The following GALNT17 variants were observed in gnomAD, a reference collection of about 807,000 sequenced individuals.
GALNT17 encodes the protein polypeptide N-acetylgalactosaminyltransferase 17.
Under a neutral mutation model 63.7 loss-of-function variants are expected in GALNT17, and 29 were observed. The ratio of observed to expected loss-of-function variants is 0.46; its 90% CI spans 0.34 to 0.62. The LOEUF is 0.62. Ranked by LOEUF, GALNT17 falls within the 20% of genes least tolerant of loss-of-function variation. The pLI, the probability that GALNT17 is intolerant of heterozygous loss-of-function variation, is 0.01. For missense variants in GALNT17, 603 were observed against 799.6 expected (o/e 0.75, Z 2.97); for synonymous variants, 305 against 318.3 (o/e 0.96, Z 0.45).
intron 6 of GALNT17, among the ~76,000 whole-genome samples, chr7:71,586,278 C>T (rs1399239137): frequency 1.3e-5 from 2 of 152,278 alleles, no homozygotes; most frequent in East Asian, 3.9e-4. Flanking sequence ...ATCTTATAGT[C>T]TCTATTGTAT....
chr7:71,295,096 C>A (rs191688223), intron 1 of GALNT17, among the ~76,000 whole-genome samples: 177 of 152,294 alleles, frequency 1.2e-3, no homozygotes, highest in African/African-American at 4.1e-3. Context: ...GAGTCCCTTA[C>A]AATGGGCCGA....
intron 9 of GALNT17, among the ~76,000 whole-genome samples, chr7:71,694,886 G>A (rs547148536): frequency 3.3e-5 from 5 of 152,290 alleles, no homozygotes; most frequent in Admixed American, 6.5e-5. Context: ...GTTGGCAAGC[G>A]AAGAAAGTGA....
rs553532895 is a variant in GALNT17, at chr7:71,705,536, T to C, written c.1501-5225T>C. 4.6e-5 allele frequency among the ~76,000 whole-genome samples: 7 copies of C among 152,264 alleles called. 1 individual carries two copies. Among genetic ancestry groups the C allele is most frequent in the Middle Eastern group, 3.4e-3 (1 of 294 alleles). ...ACTCCTAGGTGTATACCTCAGAGAA[T>C]TGAAAACATATGTTCATATGAAAAT... is the stretch of plus-strand genomic sequence containing the variant. On this transcript the variant is annotated intron_variant, in intron 9 of 10. Coordinates refer to ENST00000333538, the MANE Select transcript of GALNT17 (RefSeq NM_022479.3).
rs141638675 is a variant in GALNT17, at chr7:71,333,588, C to G, written c.239-1962C>G. Among the ~76,000 whole-genome samples the G allele has an allele frequency of 5.6e-3, 846 of 152,244 alleles. 9 individuals are homozygous for G. The highest frequency in any genetic ancestry group is 0.019 in the African/African-American group (805 of 41,542). Reference sequence around the variant, plus strand: ...ACAGAGTCTTGCTCGGTCACCCAGGCTGGAGTGCAGCTGTGGGATTTTTGC... The same window carrying G: ...ACAGAGTCTTGCTCGGTCACCCAGGGTGGAGTGCAGCTGTGGGATTTTTGC... On this transcript the variant is annotated intron_variant, in intron 1 of 10. Transcript: ENST00000333538.
At chr7:71,238,957 G>T (rs1481401798) in intron 1 of GALNT17, among the ~76,000 whole-genome samples, 1 of 152,276 alleles carries the variant, frequency 6.6e-6, no homozygotes, top group Middle Eastern at 3.4e-3. Context: ...AGGTCCCCTT[G>T]TAGATAAGCC....
chr7:71,365,416 T>C (rs948400736), intron 2 of GALNT17, among the ~76,000 whole-genome samples: 1 of 152,148 alleles, frequency 6.6e-6, no homozygotes, highest in African/African-American at 2.4e-5. Flanking sequence ...TTTTTTGTAG[T>C]TTTAGTAGAG....
At chr7:71,213,744 C>T (rs763758939) in intron 1 of GALNT17, among the ~76,000 whole-genome samples, 1 of 152,126 alleles carries the variant, frequency 6.6e-6, no homozygotes, top group African/African-American at 2.4e-5. Flanking sequence ...TTCTGTCATC[C>T]TAATTTTTAT....
At chr7:71,509,993 G>A (rs1788328983) in intron 5 of GALNT17, among the ~76,000 whole-genome samples, 1 of 151,516 alleles carries the variant, frequency 6.6e-6, no homozygotes, top group African/African-American at 2.4e-5. Flanking sequence ...CATTCAACCT[G>A]GAGTACAGTG....
chr7:71,642,778 T>A (rs1790621590), intron 6 of GALNT17, among the ~76,000 whole-genome samples: 1 of 151,878 alleles, frequency 6.6e-6, no homozygotes, highest in South Asian at 2.1e-4. Context: ...GAGGTTGCAG[T>A]GAGCTGAGAT....
At chr7:71,580,264 TGATA>T (rs1384506643) in intron 6 of GALNT17, among the ~76,000 whole-genome samples, 1 of 151,466 alleles carries the variant, frequency 6.6e-6, no homozygotes, top group African/African-American at 2.4e-5. Context: ...GATGATAGTT[TGATA>T]GATTAGATAG....
At chr7:71,250,050 A>G (rs1790168031) in intron 1 of GALNT17, among the ~76,000 whole-genome samples, 1 of 152,252 alleles carries the variant, frequency 6.6e-6, no homozygotes, top group Admixed American at 6.5e-5. Flanking sequence ...AAATTAAATT[A>G]TAGCATTTTC....
chr7:71,576,033 A>G (rs975776640), intron 6 of GALNT17, among the ~76,000 whole-genome samples: 7 of 152,238 alleles, frequency 4.6e-5, no homozygotes, highest in African/African-American at 1.7e-4. Context: ...CTAAATGTTA[A>G]GAGAAAAAAA....
chr7:71,514,260 T>A (rs900078881), intron 5 of GALNT17, among the ~76,000 whole-genome samples: 1 of 152,120 alleles, frequency 6.6e-6, no homozygotes, highest in Non-Finnish European at 1.5e-5. Flanking sequence ...AGAGGCATTA[T>A]GGGAGCACAC....
intron 2 of GALNT17, among the ~76,000 whole-genome samples, chr7:71,381,629 A>T (rs1333936043): frequency 6.6e-6 from 1 of 151,924 alleles, no homozygotes. Flanking sequence ...AAATGCAAAA[A>T]TTAGCTGGGT....
intron 6 of GALNT17, among the ~76,000 whole-genome samples, chr7:71,645,316 C>G (rs552885086): frequency 2.6e-5 from 4 of 152,276 alleles, no homozygotes; most frequent in African/African-American, 9.6e-5. Context: ...TGGGAGGGAC[C>G]TGGTGTGAGG....
At chr7:71,460,711 T>A (rs1787437889) in intron 5 of GALNT17, among the ~76,000 whole-genome samples, 1 of 152,328 alleles carries the variant, frequency 6.6e-6, no homozygotes, top group East Asian at 1.9e-4. Flanking sequence ...TTGCCCATTT[T>A]TATGGTTATT....
At chr7:71,651,630 C>G (rs1790756478) in intron 6 of GALNT17, among the ~76,000 whole-genome samples, 1 of 152,148 alleles carries the variant, frequency 6.6e-6, no homozygotes, top group Non-Finnish European at 1.5e-5. Flanking sequence ...ACATCAAAGC[C>G]CTGGTCCTCT....
intron 1 of GALNT17, among the ~76,000 whole-genome samples, chr7:71,312,577 G>A (rs1791429886): frequency 6.6e-6 from 1 of 152,118 alleles, no homozygotes; most frequent in South Asian, 2.1e-4. Flanking sequence ...GTGCTGGCAG[G>A]GTTGGTTTCT....
At chr7:71,376,007 A>G (rs914371909) in intron 2 of GALNT17, among the ~76,000 whole-genome samples, 1 of 152,072 alleles carries the variant, frequency 6.6e-6, no homozygotes, top group African/African-American at 2.4e-5. Flanking sequence ...TGAACCTGGG[A>G]GGCAGAGGTC....
Sources: gnomAD v4.1 joint callset for allele counts (sites outside exome capture counted in the v4.1 genomes callset) on GRCh38, gnomAD v4.1.1 for gene constraint, MANE v1.5 for transcripts, NCBI Gene and HGNC (gene_info 2026-07-23, HGNC 2026-07-21) for gene names.